Variants in ABR observed in about 807,000 individuals in gnomAD.
The protein encoded by ABR is active breakpoint cluster region-related protein.
A neutral mutation model predicts 107.2 loss-of-function variants in ABR; 35 were observed. That is an observed-to-expected ratio of 0.33 (90% CI 0.25 to 0.43). ABR has a LOEUF of 0.43. Ranked by LOEUF, ABR falls within the 20% of genes least tolerant of loss-of-function variation. The probability of loss-of-function intolerance (pLI) is 1.00; values close to 1 mark genes in which losing one functional copy is unlikely to be tolerated. For missense variants in ABR, 815 were observed against 1,115.2 expected (o/e 0.73, Z 3.83); for synonymous variants, 498 against 462.0 (o/e 1.08, Z -1.00).
intron 2 of ABR, among the ~76,000 whole-genome samples, chr17:1,106,381 G>A (rs1180697167): frequency 1.3e-5 from 2 of 151,590 alleles, no homozygotes; most frequent in Non-Finnish European, 2.9e-5. Flanking sequence ...AACCTCTGCA[G>A]CCCAGGACAG....
chr17:1,075,142 A>C (rs1178093716), intron 6 of ABR, among the ~76,000 whole-genome samples: 1 of 152,246 alleles, frequency 6.6e-6, no homozygotes, highest in Non-Finnish European at 1.5e-5. Context: ...GGGATTCAGC[A>C]GGGACAGGTG....
intron 6 of ABR, among the ~76,000 whole-genome samples, chr17:1,076,605 G>A (rs904091631): frequency 2.0e-5 from 3 of 151,828 alleles, no homozygotes; most frequent in African/African-American, 7.3e-5. Context: ...TGAACACATG[G>A]CAGGTTGGGT....
At chr17:1,131,244 A>G (rs2039817501) in intron 1 of ABR, among the ~76,000 whole-genome samples, 1 of 70,836 alleles carries the variant, frequency 1.4e-5, no homozygotes, top group Admixed American at 1.6e-4. Flanking sequence ...CACCAAATGC[A>G]GTGCCTGCCA....
At chr17:1,128,789 C>T (rs892265283) in intron 1 of ABR, among the ~76,000 whole-genome samples, 1,746 of 142,424 alleles carry the variant, frequency 0.012, 37 homozygotes, top group African/African-American at 0.042. Flanking sequence ...TACCTCGGGA[C>T]GTTTTCACAA....
At chr17:1,191,131 A>G (rs1310508685), upstream of ABR, among the ~76,000 whole-genome samples, 1 of 152,110 alleles carries the variant, frequency 6.6e-6, no homozygotes, top group African/African-American at 2.4e-5. Context: ...GCTCCTTTCC[A>G]TGTTCCCGTC....
chr17:1,032,160 G>A (rs2072859470), intron 16 of ABR, among the ~76,000 whole-genome samples: 1 of 152,062 alleles, frequency 6.6e-6, no homozygotes. Flanking sequence ...CCAAGCGGAG[G>A]GGCCGGGGGC....
intron 1 of ABR, among the ~76,000 whole-genome samples, chr17:1,160,818 G>A (rs564166648): frequency 9.2e-5 from 14 of 152,342 alleles, no homozygotes; most frequent in Admixed American, 7.8e-4. Context: ...CTATTCTACC[G>A]TGAATTATTA....
intron 1 of ABR, among the ~76,000 whole-genome samples, chr17:1,153,516 TGCGGGG>T: frequency 9.4e-6 from 1 of 106,628 alleles, no homozygotes; most frequent in Non-Finnish European, 1.8e-5. Context: ...CAGGCACACC[TGCGGGG>T]AGGGCTGGGG....
At chr17:1,183,860 G>A (rs537513406), upstream of ABR, among the ~76,000 whole-genome samples, 3 of 152,252 alleles carry the variant, frequency 2.0e-5, no homozygotes, top group South Asian at 6.2e-4. Flanking sequence ...ACCAAAAATA[G>A]ACTGTGATGA....
At chr17:1,101,797 G>C (rs912614541) in intron 2 of ABR, among the ~76,000 whole-genome samples, 1 of 150,484 alleles carries the variant, frequency 6.6e-6, no homozygotes, top group Non-Finnish European at 1.5e-5. Context: ...GCAGTGGCGC[G>C]ATCTCGGCTC....
intron 1 of ABR, among the ~76,000 whole-genome samples, chr17:1,193,396 G>A (rs1469275807): frequency 6.6e-6 from 1 of 152,034 alleles, no homozygotes; most frequent in Non-Finnish European, 1.5e-5. Flanking sequence ...TGTTAAGCAC[G>A]TAACCTTCAC....
At chr17:1,185,657 A>AATAAAAT (rs1358906549) in intron 1 of ABR, among the ~76,000 whole-genome samples, 1,963 of 140,902 alleles carry the variant, frequency 0.014, 75 homozygotes, top group African/African-American at 0.053. Context: ...AAAGAAATAA[A>AATAAAAT]AAAAAAAAAA....
intron 1 of ABR, among the ~76,000 whole-genome samples, chr17:1,201,213 C>T (rs762083272): frequency 3.3e-5 from 5 of 152,160 alleles, no homozygotes; most frequent in Non-Finnish European, 7.4e-5. Context: ...GCTGCTGCTC[C>T]GGATGCAAAG....
Position 1,070,013 on chromosome 17 carries a change from A to G in ABR, c.972T>C (p.Phe324=), listed in dbSNP as rs754688340. 21 of 1,612,818 alleles carry G rather than the reference A, an allele frequency of 1.3e-5. No homozygotes were observed. Among genetic ancestry groups the G allele is most frequent in the Non-Finnish European group, 1.8e-5 (21 of 1,179,694 alleles). ...SSRKLRHVFL[F]TDVLLCAKLK... is the part of the protein sequence containing the mutation. ...GCTTGGCACACAGTAGGACATCTGT[A>G]AAGAGGAAGACGTGCCGCAGCTTCC... is the stretch of plus-strand genomic sequence containing the variant. The change falls in exon 9 of 23, where the codon TTT becomes TTC. Residue 324 remains phenylalanine (F), a synonymous_variant. Coordinates refer to ENST00000302538, the MANE Select transcript of ABR (RefSeq NM_021962.5). The surrounding 1 kb of genome is among the most constrained non-coding windows in gnomAD (Gnocchi z 4.2).
intron 1 of ABR, among the ~76,000 whole-genome samples, chr17:1,151,437 GC>G (rs1377253400): frequency 6.6e-6 from 1 of 152,142 alleles, no homozygotes; most frequent in East Asian, 1.9e-4. Flanking sequence ...TCAGTGTCCA[GC>G]CCTGCCCTCC....
chr17:1,095,108 C>T (rs2257657), intron 3 of ABR, among the ~76,000 whole-genome samples: 57,853 of 151,990 alleles, frequency 0.38, 11,352 homozygotes, highest in East Asian at 0.48. Flanking sequence ...CCCGCCTTGG[C>T]GCAGTCCCCA....
At position 1,003,690 on chromosome 17, in the gene ABR, G is replaced by A. The variant is rs1282521817; in HGVS notation, c.*2390C>T. 6.6e-6 allele frequency: 1 copy of A among 152,454 alleles called. No homozygotes were observed. Among genetic ancestry groups the A allele is most frequent in the African/African-American group, 2.4e-5 (1 of 41,452 alleles). 9.4% of individuals were successfully genotyped at this position (152,454 alleles called of 1,614,324 possible). A position where few individuals can be genotyped will look rare whatever the true frequency, so the allele number is the denominator to read the frequency against. On this transcript the variant is annotated 3_prime_UTR_variant, in exon 23 of 23. Transcript: ENST00000302538. ...TCATGAAGGGTCCCATCCTACCTGT[G>A]TATCAGCAGAAACTGGCAGCCATCA...
At chr17:1,144,849 A>G (rs763388098) in intron 1 of ABR, among the ~76,000 whole-genome samples, 2 of 152,196 alleles carry the variant, frequency 1.3e-5, no homozygotes, top group Admixed American at 1.3e-4. Flanking sequence ...GTGAAACCCT[A>G]TCTCTGCTAA....
chr17:1,182,655 C>A (rs1487064715), upstream of ABR, among the ~76,000 whole-genome samples: 1 of 152,170 alleles, frequency 6.6e-6, no homozygotes, highest in Non-Finnish European at 1.5e-5. Context: ...CGTGAGCCAC[C>A]GCGCCCGGCC....
Sources: gnomAD v4.1 joint callset for allele counts (sites outside exome capture counted in the v4.1 genomes callset) on GRCh38, gnomAD v4.1.1 for gene constraint, Gnocchi (gnomAD v3.1) non-coding constraint, MANE v1.5 for transcripts, NCBI Gene and HGNC (gene_info 2026-07-23, HGNC 2026-07-21) for gene names.